ILF2: variants seen among roughly 807,000 people sequenced by gnomAD.
ILF2 encodes interleukin enhancer-binding factor 2.
In ILF2, 9 loss-of-function variants were observed where a neutral mutation model predicts 55.3. The observed-to-expected ratio is 0.16, with a 90% CI of 0.10 to 0.28. The LOEUF (loss-of-function observed/expected upper bound fraction) is 0.28, where lower values mean the gene tolerates loss of function less well. Among genes scored for constraint, ILF2 ranks in the 10% least tolerant of loss-of-function variants. The pLI is 1.00. For missense variants in ILF2, 266 were observed against 474.9 expected (o/e 0.56, Z 4.09); for synonymous variants, 151 against 161.8 (o/e 0.93, Z 0.50).
intron 1 of ILF2, 59 bp downstream of exon 1, chr1:153,670,858 CA>C: frequency 6.2e-7 from 1 of 1,607,802 alleles, no homozygotes; most frequent in Non-Finnish European, 8.5e-7. Flanking sequence ...TCTTTCGGCC[CA>C]CGTTCACAAA....
chr1:153,667,432 T>A (rs1225764243), intron 6 of ILF2, 123 bp downstream of exon 6: 2 of 738,186 alleles, frequency 2.7e-6, no homozygotes, highest in Non-Finnish European at 4.9e-6. Flanking sequence ...TGAGCTACAA[T>A]GGTACCACTG....
In ILF2 at chr1:153,670,941, C is replaced by A. The variant is rs1669454601; in HGVS notation, c.-19G>T. 1 of 1,614,094 alleles carries A rather than the reference C, an allele frequency of 6.2e-7. No individual in the cohort carries two copies. The highest frequency in any genetic ancestry group is 1.7e-5 in the Admixed American group (1 of 60,012). On this transcript the variant is annotated 5_prime_UTR_variant, in exon 1 of 14. Coordinates refer to ENST00000361891, the MANE Select transcript of ILF2 (RefSeq NM_004515.4). ...ACCTCATGGCGCCTTAAAACACGAA[C>A]AATGGAGGCCGCACCAACCGCCCCT...
intron 10 of ILF2, 64 bp downstream of exon 10, chr1:153,663,979 A>G (rs1483510244): frequency 1.2e-6 from 1 of 814,254 alleles, no homozygotes; most frequent in African/African-American, 1.7e-5. Flanking sequence ...TACTACTACT[A>G]CTACTACTAC....
intron 3 of ILF2, 115 bp downstream of exon 3, chr1:153,669,721 C>A: frequency 2.3e-6 from 2 of 869,306 alleles, no homozygotes; most frequent in Non-Finnish European, 3.9e-6. Flanking sequence ...AGATTACAGG[C>A]GTGAGGCACT....
Position 153,663,149 on chromosome 1 carries a change from G to A in ILF2, c.807-16C>T. The A allele has an allele frequency of 6.2e-7, 1 of 1,613,568 alleles. No homozygotes were observed. The highest frequency in any genetic ancestry group is 8.5e-7 in the Non-Finnish European group (1 of 1,179,492). ...CAAGCAGCGCCTAGAACACAGGGAG[G>A]TATGAGGTATTAAAGGAATGCACAA... is the stretch of plus-strand genomic sequence containing the variant. On this transcript the variant is annotated splice_polypyrimidine_tract_variant and intron_variant, in intron 11 of 13. Transcript: ENST00000361891.
intron 8 of ILF2, among the ~76,000 whole-genome samples, chr1:153,664,982 A>G (rs1170704382): frequency 6.6e-6 from 1 of 152,240 alleles, no homozygotes; most frequent in Admixed American, 6.5e-5. Flanking sequence ...ATATTTTCTC[A>G]GTCCTTTTTA....
intron 12 of ILF2, 45 bp downstream of exon 12, chr1:153,662,974 C>A (rs1004170761): frequency 6.5e-7 from 1 of 1,527,168 alleles, no homozygotes. Flanking sequence ...CAGCAGTATT[C>A]AAAAGAGTGG....
At chr1:153,668,334 A>G in intron 4 of ILF2, 119 bp downstream of exon 4, 1 of 1,263,350 alleles carries the variant, frequency 7.9e-7, no homozygotes, top group Non-Finnish European at 1.1e-6. Flanking sequence ...GAGAACAATT[A>G]AACCCTTTGT....
chr1:153,663,944 TG>T (rs1669240383), intron 10 of ILF2, 98 bp downstream of exon 10: 1 of 575,928 alleles, frequency 1.7e-6, no homozygotes, highest in Middle Eastern at 3.0e-4. Context: ...CAGACTCTGG[TG>T]AATTTCAGAG....
rs1214716833 is a variant in ILF2 at position 153,668,012 on chromosome 1, C to A, written c.279G>T (p.Gly93=). 6.2e-7 allele frequency: 1 copy of A among 1,611,266 alleles called. No homozygotes were observed. Among genetic ancestry groups the A allele is most frequent in the South Asian group, 1.1e-5 (1 of 90,318 alleles). Residue 93 remains glycine (G), a synonymous_variant, in exon 5 of 14, where the codon GGG becomes GGT. Coordinates refer to ENST00000361891, the MANE Select transcript of ILF2 (RefSeq NM_004515.4). The part of the protein sequence containing the change: ...NVIDNLIVAP[G]TFEVQIEEVR... ...ATCAAAAACTCACCACTTCAAATGT[C>A]CCTGGAGCCACAATCAGATTATCAA...
rs1359665463 is a variant in ILF2, at chr1:153,662,126, TGA to T, written c.*268_*269del. The T allele has an allele frequency of 2.5e-5, 9 of 355,038 alleles. No individual in the cohort carries two copies. The highest frequency in any genetic ancestry group is 1.0e-4 in the African/African-American group (5 of 48,592). The allele number at this position is 355,038 out of a possible 1,614,324, so 22.0% of individuals were successfully genotyped here. A position where few individuals can be genotyped will look rare whatever the true frequency, so the allele number is the denominator to read the frequency against. On this transcript the variant is annotated 3_prime_UTR_variant, in exon 14 of 14. Transcript: ENST00000361891. The stretch of plus-strand genomic sequence containing the variant: ...AACATTTCAACAGCAAAGTATTAGT[TGA>T]GAGAGGGGTTTTCAGGAGTTGGAGA...
chr1:153,668,583 T>A, intron 3 of ILF2, 26 bp from the exon 4 acceptor site: 2 of 1,596,898 alleles, frequency 1.3e-6, no homozygotes, highest in East Asian at 4.5e-5. Context: ...ACAACTACAT[T>A]CTATTTGCCG....
Position 153,664,070 on chromosome 1 carries a change from G to A in ILF2, c.717C>T (p.Pro239=), listed in dbSNP as rs908508441. The A allele has an allele frequency of 7.4e-6, 12 of 1,613,268 alleles. No individual in the cohort carries two copies. The African/African-American group carries it at 1.3e-4, about 18-fold the overall frequency. ...DLRIRFPGFE[P]LTPWILDLLG... is the part of the protein sequence containing the mutation. ...GTAGGTCAAGGATCCAGGGTGTGAG[G>A]GGCTCAAAGCCAGGAAAACGAATCC... Residue 239 remains proline, a synonymous_variant, in exon 10 of 14, where the codon CCC becomes CCT. Transcript: ENST00000361891.
At chr1:153,670,344 C>G in intron 1 of ILF2, 114 bp from the exon 2 acceptor site, 1 of 964,360 alleles carries the variant, frequency 1.0e-6, no homozygotes, top group Non-Finnish European at 1.6e-6. Context: ...AGAGACCCCA[C>G]TCACACTTAC....
chr1:153,663,951 C>T, intron 10 of ILF2, 92 bp downstream of exon 10: 1 of 615,314 alleles, frequency 1.6e-6, no homozygotes, highest in Non-Finnish European at 2.6e-6. Flanking sequence ...TGGTGAATTT[C>T]AGAGTTACTA....
chr1:153,662,307 C>G lies in ILF2; in HGVS notation c.*89G>C. 1 of 1,533,334 alleles carries G rather than the reference C, an allele frequency of 6.5e-7. No individual in the cohort carries two copies. Among genetic ancestry groups the G allele is most frequent in the East Asian group, 2.3e-5 (1 of 44,356 alleles). The allele number at this position is 1,533,334 out of a possible 1,614,324, so 95.0% of individuals were successfully genotyped here. ...TCTTCCTGCTATCTTCCCTATCCCACGGAAATGTCTGTCACCATGTAAAGC... is the reference window on the plus strand; with the variant it reads ...TCTTCCTGCTATCTTCCCTATCCCAGGGAAATGTCTGTCACCATGTAAAGC... On this transcript the variant is annotated 3_prime_UTR_variant, in exon 14 of 14. Transcript: ENST00000361891.
intron 5 of ILF2, 149 bp from the exon 6 acceptor site, chr1:153,667,806 G>A: frequency 1.5e-6 from 1 of 686,136 alleles, no homozygotes. Flanking sequence ...ATGAAAGCCT[G>A]ATACATCACA....
intron 7 of ILF2, 133 bp from the exon 8 acceptor site, chr1:153,665,469 G>A (rs1669282284): frequency 1.3e-6 from 1 of 763,252 alleles, no homozygotes; most frequent in Admixed American, 2.2e-5. Context: ...AGAATACAGA[G>A]CTTTAGAAGG....
chr1:153,666,704 A>G (rs533949177), intron 6 of ILF2, among the ~76,000 whole-genome samples: 136 of 152,190 alleles, frequency 8.9e-4, no homozygotes, highest in Non-Finnish European at 1.6e-3. Flanking sequence ...GTACCGCCAG[A>G]TACTGCCAGA....
Sources: gnomAD v4.1 joint callset for allele counts (sites outside exome capture counted in the v4.1 genomes callset) on GRCh38, gnomAD v4.1.1 for gene constraint, MANE v1.5 for transcripts, NCBI Gene and HGNC (gene_info 2026-07-23, HGNC 2026-07-21) for gene names.